SIK3: variants seen among roughly 807,000 people sequenced by gnomAD.
SIK3 encodes serine/threonine-protein kinase SIK3.
A neutral mutation model predicts 144.2 loss-of-function variants in SIK3; 28 were observed. The observed-to-expected ratio is 0.19, with a 90% confidence interval of 0.14 to 0.27. SIK3 has a LOEUF of 0.27. SIK3 is among the 10% of genes least tolerant of loss of function. The pLI, the probability that SIK3 is intolerant of heterozygous loss-of-function variation, is 1.00. For synonymous variants in SIK3, 686 were observed against 676.3 expected, an observed-to-expected ratio of 1.01 and a Z score of -0.22; for missense variants, 1,319 against 1,776.0, an observed-to-expected ratio of 0.74 and a Z score of 4.62.
intron 1 of SIK3, among the ~76,000 whole-genome samples, chr11:117,057,197 G>C (rs1455873054): frequency 6.6e-6 from 1 of 152,186 alleles, no homozygotes; most frequent in Non-Finnish European, 1.5e-5. Flanking sequence ...TACATGTACA[G>C]AAGAAGATTT....
chr11:116,886,413 T>G (rs1468130364), intron 6 of SIK3, among the ~76,000 whole-genome samples: 1 of 152,208 alleles, frequency 6.6e-6, no homozygotes, highest in Non-Finnish European at 1.5e-5. Flanking sequence ...GTGTGGTTCT[T>G]GATGAGTAAG....
At chr11:116,918,527 T>C (rs917650162) in intron 4 of SIK3, among the ~76,000 whole-genome samples, 3 of 152,262 alleles carry the variant, frequency 2.0e-5, no homozygotes, top group Middle Eastern at 3.4e-3. Context: ...AATTAATAGA[T>C]AATGGCATGA....
chr11:116,942,237 C>T (rs1457882654), intron 3 of SIK3, among the ~76,000 whole-genome samples: 6 of 152,112 alleles, frequency 3.9e-5, no homozygotes, highest in Admixed American at 6.6e-5. Context: ...TGAGTGCCTA[C>T]TATATGTTAG....
At chr11:116,866,528 G>C (rs1327851192) in intron 15 of SIK3, among the ~76,000 whole-genome samples, 1 of 152,094 alleles carries the variant, frequency 6.6e-6, no homozygotes, top group Non-Finnish European at 1.5e-5. Flanking sequence ...TGCAACGTCT[G>C]CCTCCCGGGT....
chr11:116,878,991 TTTAC>T (rs1333787740), intron 6 of SIK3, among the ~76,000 whole-genome samples: 1 of 152,212 alleles, frequency 6.6e-6, no homozygotes, highest in African/African-American at 2.4e-5. Context: ...TGTTTATGTA[TTTAC>T]TTATTGTCTG....
intron 1 of SIK3, among the ~76,000 whole-genome samples, chr11:116,972,270 G>C (rs1949791584): frequency 6.6e-6 from 1 of 152,072 alleles, no homozygotes; most frequent in African/African-American, 2.4e-5. Context: ...AGACAGTCGA[G>C]CTCAAGAACC....
Position 116,854,285 on chromosome 11 carries a change from C to T in SIK3, c.3655+3525G>A, listed in dbSNP as rs1591373296. 4.6e-5 allele frequency among the ~76,000 whole-genome samples: 7 copies of T among 152,264 alleles called. No individual in the cohort carries two copies. The South Asian group carries it at 1.5e-3, about 32-fold the overall frequency. ...GTTGAGGTGGGAGGACTGCTTGAGC[C>T]CAGGAGGTCGAGGCTGCAGTGAACC... On this transcript the variant is annotated intron_variant, in intron 21 of 24. Transcript: ENST00000445177.
intron 17 of SIK3, 25 bp downstream of exon 17, chr11:116,862,177 G>A (rs1040422294): frequency 4.3e-6 from 7 of 1,614,042 alleles, no homozygotes; most frequent in African/African-American, 1.3e-5. Flanking sequence ...AAACAAGTTG[G>A]AGAAAGCAAA....
At chr11:116,900,258 C>T (rs1358568329) in intron 4 of SIK3, among the ~76,000 whole-genome samples, 1 of 152,110 alleles carries the variant, frequency 6.6e-6, no homozygotes, top group Non-Finnish European at 1.5e-5. Context: ...GTCCTTTCTC[C>T]CTCGTTTCCC....
At chr11:117,096,584 G>A (rs1955483050) in intron 1 of SIK3, among the ~76,000 whole-genome samples, 1 of 152,060 alleles carries the variant, frequency 6.6e-6, no homozygotes, top group African/African-American at 2.4e-5. Context: ...CTGGACTTTG[G>A]TATCTCATTC....
chr11:117,005,649 G>A (rs1951019861), intron 1 of SIK3, among the ~76,000 whole-genome samples: 1 of 152,038 alleles, frequency 6.6e-6, no homozygotes, highest in African/African-American at 2.4e-5. Flanking sequence ...TCTCTAAAAT[G>A]GGATAATAAC....
intron 2 of SIK3, 29 bp from the exon 3 acceptor site, chr11:116,954,136 A>C: frequency 6.3e-7 from 1 of 1,597,010 alleles, no homozygotes; most frequent in Non-Finnish European, 8.6e-7. Flanking sequence ...AGTGACAGAC[A>C]GTGACACAAA....
At chr11:117,029,569 C>CA (rs956657498) in intron 1 of SIK3, among the ~76,000 whole-genome samples, 1 of 151,876 alleles carries the variant, frequency 6.6e-6, no homozygotes, top group Non-Finnish European at 1.5e-5. Context: ...TGCAGCAGTA[C>CA]AAAAAATATG....
At chr11:116,914,495 G>A (rs1329305186) in intron 4 of SIK3, among the ~76,000 whole-genome samples, 3 of 152,022 alleles carry the variant, frequency 2.0e-5, no homozygotes, top group African/African-American at 4.8e-5. Context: ...GAGCCACCAC[G>A]CCCGGCCTGC....
At chr11:116,967,012 AAAG>A (rs1414145810) in intron 1 of SIK3, among the ~76,000 whole-genome samples, 3 of 142,700 alleles carry the variant, frequency 2.1e-5, no homozygotes, top group African/African-American at 5.3e-5. Context: ...TCAAAAAAAA[AAAG>A]AAAAAGAAAA....
intron 1 of SIK3, among the ~76,000 whole-genome samples, chr11:117,073,979 A>G (rs148596281): frequency 6.3e-4 from 96 of 152,308 alleles, no homozygotes; most frequent in African/African-American, 2.2e-3. Context: ...GCAGTGGCAC[A>G]ATCATAATTC....
chr11:116,917,873 A>AAAG (rs370870147), intron 4 of SIK3, among the ~76,000 whole-genome samples: 26 of 151,954 alleles, frequency 1.7e-4, no homozygotes, highest in Middle Eastern at 3.4e-3. Flanking sequence ...AAGGAAAGGG[A>AAAG]GAAACAAACA....
intron 21 of SIK3, among the ~76,000 whole-genome samples, chr11:116,854,132 G>A (rs7929822): frequency 0.082 from 12,445 of 152,264 alleles, 1,662 homozygotes; most frequent in African/African-American, 0.28. Context: ...GGCCAAGAAG[G>A]GAGGATTGTT....
At chr11:116,938,933 A>G (rs1948136159) in intron 3 of SIK3, among the ~76,000 whole-genome samples, 1 of 152,180 alleles carries the variant, frequency 6.6e-6, no homozygotes, top group African/African-American at 2.4e-5. Flanking sequence ...TACAAAATAG[A>G]AAACCAACTT....
Sources: gnomAD v4.1 joint callset for allele counts (sites outside exome capture counted in the v4.1 genomes callset) on GRCh38, gnomAD v4.1.1 for gene constraint, MANE v1.5 for transcripts, NCBI Gene and HGNC (gene_info 2026-07-23, HGNC 2026-07-21) for gene names.